The following UNC5D variants were observed in gnomAD, a reference collection of about 807,000 sequenced individuals.
The protein encoded by UNC5D is unc-5 netrin receptor D.
Under a neutral mutation model 105.4 loss-of-function variants are expected in UNC5D, and 39 were observed. The observed-to-expected ratio is 0.37, with a 90% confidence interval of 0.29 to 0.48. The LOEUF is 0.48. UNC5D is among the 20% of genes least tolerant of loss of function. The pLI is 0.98. For missense variants in UNC5D, 991 were observed against 1,202.4 expected (o/e 0.82, Z 2.60); for synonymous variants, 452 against 450.4 (o/e 1.00, Z -0.04).
intron 4 of UNC5D, among the ~76,000 whole-genome samples, chr8:35,660,622 G>A (rs1207933650): frequency 2.0e-5 from 3 of 152,056 alleles, no homozygotes; most frequent in African/African-American, 4.8e-5. Context: ...CACGGGAAAC[G>A]GGAAAAAAGA....
At chr8:35,759,957 A>G (rs1320735598) in intron 14 of UNC5D, among the ~76,000 whole-genome samples, 1 of 152,074 alleles carries the variant, frequency 6.6e-6, no homozygotes, top group Non-Finnish European at 1.5e-5. Context: ...TATGAAGTGT[A>G]CTTGCTTCCA....
intron 2 of UNC5D, among the ~76,000 whole-genome samples, chr8:35,557,238 T>TCTAATGTGTGTGGAAGATTAA (rs1816618969): frequency 6.6e-6 from 1 of 152,218 alleles, no homozygotes; most frequent in Non-Finnish European, 1.5e-5. Flanking sequence ...AGCTGATTAA[T>TCTAATGTGTGTGGAAGATTAA]TCTAATCTCT....
intron 3 of UNC5D, among the ~76,000 whole-genome samples, chr8:35,590,754 A>C (rs1290942202): frequency 6.6e-6 from 1 of 152,188 alleles, no homozygotes; most frequent in Non-Finnish European, 1.5e-5. Flanking sequence ...CTGAAGCAGA[A>C]ACATTGAGGA....
chr8:35,591,382 ATTTAC>A, intron 3 of UNC5D, among the ~76,000 whole-genome samples: 1 of 152,200 alleles, frequency 6.6e-6, no homozygotes. Flanking sequence ...ATACTTGTAA[ATTTAC>A]TTTTGCATTT....
At chr8:35,430,678 A>G (rs1260886058) in intron 1 of UNC5D, among the ~76,000 whole-genome samples, 1 of 152,096 alleles carries the variant, frequency 6.6e-6, no homozygotes, top group African/African-American at 2.4e-5. Context: ...TGTAGAACTG[A>G]TTGCTCACTT....
chr8:35,680,537 A>G (rs1329269974), intron 4 of UNC5D, among the ~76,000 whole-genome samples: 1 of 152,190 alleles, frequency 6.6e-6, no homozygotes, highest in Non-Finnish European at 1.5e-5. Context: ...ATACCATTCA[A>G]TTATTAACCT....
chr8:35,748,291 A>G (rs1389024184), intron 11 of UNC5D, among the ~76,000 whole-genome samples: 1 of 152,184 alleles, frequency 6.6e-6, no homozygotes, highest in Non-Finnish European at 1.5e-5. Flanking sequence ...AGCATTTGTC[A>G]TTTTGTTGGT....
chr8:35,690,454 C>A (rs1019524019), intron 7 of UNC5D, among the ~76,000 whole-genome samples: 1 of 151,956 alleles, frequency 6.6e-6, no homozygotes, highest in Non-Finnish European at 1.5e-5. Context: ...CATAGCAAGA[C>A]CCTGTCTCTA....
chr8:35,412,106 T>G (rs1418159062), intron 1 of UNC5D, among the ~76,000 whole-genome samples: 1 of 152,216 alleles, frequency 6.6e-6, no homozygotes, highest in East Asian at 1.9e-4. Flanking sequence ...GTAAACTGCC[T>G]CTGGTCAGTG....
chr8:35,316,320 G>A (rs1585567156), intron 1 of UNC5D, among the ~76,000 whole-genome samples: 1 of 152,126 alleles, frequency 6.6e-6, no homozygotes, highest in Non-Finnish European at 1.5e-5. Flanking sequence ...GAATAATGAA[G>A]GGAGAAGATT....
intron 4 of UNC5D, among the ~76,000 whole-genome samples, chr8:35,654,765 G>C (rs953539744): frequency 6.6e-6 from 1 of 152,028 alleles, no homozygotes; most frequent in Non-Finnish European, 1.5e-5. Flanking sequence ...GGGATGGGGG[G>C]ATTTTGACAT....
At chr8:35,421,924 C>A (rs1319604597) in intron 1 of UNC5D, among the ~76,000 whole-genome samples, 2 of 152,174 alleles carry the variant, frequency 1.3e-5, no homozygotes, top group South Asian at 4.1e-4. Flanking sequence ...TTCACTGATG[C>A]TCTTCTGAAA....
At chr8:35,762,926 C>T (rs1156391464) in intron 14 of UNC5D, among the ~76,000 whole-genome samples, 1 of 152,198 alleles carries the variant, frequency 6.6e-6, no homozygotes, top group Non-Finnish European at 1.5e-5. Flanking sequence ...TGCTAAGAAC[C>T]TAATTATAAT....
At chr8:35,380,189 G>C (rs568565981) in intron 1 of UNC5D, among the ~76,000 whole-genome samples, 3 of 148,152 alleles carry the variant, frequency 2.0e-5, no homozygotes, top group Non-Finnish European at 4.5e-5. Flanking sequence ...GAGAGACAGA[G>C]ACCGAGAGGG....
At chr8:35,447,171 G>A (rs779011728) in intron 1 of UNC5D, among the ~76,000 whole-genome samples, 1 of 152,032 alleles carries the variant, frequency 6.6e-6, no homozygotes, top group Non-Finnish European at 1.5e-5. Context: ...GAGGAAGTTG[G>A]CTAAACTCAC....
chr8:35,484,432 A>G (rs998314517), intron 1 of UNC5D, among the ~76,000 whole-genome samples: 1 of 151,864 alleles, frequency 6.6e-6, no homozygotes, highest in Non-Finnish European at 1.5e-5. Context: ...ATATATCCCT[A>G]TTTCCTTTAT....
At chr8:35,788,087 A>G (rs1366283686) in intron 16 of UNC5D, among the ~76,000 whole-genome samples, 1 of 152,230 alleles carries the variant, frequency 6.6e-6, no homozygotes, top group Non-Finnish European at 1.5e-5. Context: ...GATGTCTATT[A>G]GTGGAACATA....
chr8:35,655,101 T>C (rs1823648764), intron 4 of UNC5D, among the ~76,000 whole-genome samples: 1 of 152,186 alleles, frequency 6.6e-6, no homozygotes, highest in Non-Finnish European at 1.5e-5. Flanking sequence ...AAAATAGTAA[T>C]AAAGTTATAG....
At chr8:35,295,825 C>T (rs575306946) in intron 1 of UNC5D, among the ~76,000 whole-genome samples, 43 of 152,278 alleles carry the variant, frequency 2.8e-4, no homozygotes, top group Middle Eastern at 3.4e-3. Context: ...ACCAGCATTC[C>T]CCATTTCCTC....
Sources: allele counts gnomAD v4.1 joint callset (sites outside exome capture counted in the v4.1 genomes callset), GRCh38; gene constraint gnomAD v4.1.1; transcripts MANE v1.5; gene names NCBI Gene and HGNC (gene_info 2026-07-23, HGNC 2026-07-21).